The following METTL13 variants were observed in gnomAD, a reference collection of about 807,000 sequenced individuals.
METTL13 encodes the protein eEF1A lysine and N-terminal methyltransferase.
Under a neutral mutation model 67.4 loss-of-function variants are expected in METTL13, and 52 were observed. The ratio of observed to expected loss-of-function variants is 0.77; its 90% CI spans 0.62 to 0.97. METTL13 has a LOEUF of 0.97. Among genes scored for constraint, METTL13 ranks in the 50% least tolerant of loss-of-function variants. The pLI, the probability that METTL13 is intolerant of heterozygous loss-of-function variation, is 0.00. For missense variants in METTL13, 825 were observed against 889.6 expected, an observed-to-expected ratio of 0.93 and a Z score of 0.92; for synonymous variants, 354 against 353.6, an observed-to-expected ratio of 1.00 and a Z score of -0.01.
Position 171,797,248 on chromosome 1 carries a change from G to C in METTL13, c.*492G>C, listed in dbSNP as rs2029865333. 6.5e-6 allele frequency: 1 copy of C among 154,048 alleles called. No individual in the cohort carries two copies. The highest frequency in any genetic ancestry group is 6.4e-5 in the Admixed American group (1 of 15,568). 9.5% of individuals were successfully genotyped at this position (154,048 alleles called of 1,614,324 possible). A position where few individuals can be genotyped will look rare whatever the true frequency, so the allele number is the denominator to read the frequency against. On this transcript the variant is annotated 3_prime_UTR_variant, in exon 8 of 8. Transcript: ENST00000361735. Reference sequence around the variant, plus strand: ...ACAGATTTGAGAGAGCATTTACTCTGTCTCCCTGTGGATGAAACTGCTGCT... The same window carrying C: ...ACAGATTTGAGAGAGCATTTACTCTCTCTCCCTGTGGATGAAACTGCTGCT...
chr1:171,788,041 C>G, intron 4 of METTL13, 111 bp downstream of exon 4: 1 of 998,804 alleles, frequency 1.0e-6, no homozygotes, highest in Non-Finnish European at 1.5e-6. Context: ...AGGTTCTTAA[C>G]CATCTGGACT....
chr1:171,788,167 C>G (rs1371958472), intron 4 of METTL13, among the ~76,000 whole-genome samples: 1 of 152,174 alleles, frequency 6.6e-6, no homozygotes, highest in East Asian at 1.9e-4. Flanking sequence ...ACATTAATGT[C>G]TTCGGTTTAA....
rs778466884 is a variant in METTL13 at position 171,790,549 on chromosome 1, G to T, written c.1407G>T (p.Leu469=). The T allele has an allele frequency of 1.1e-5, 18 of 1,612,566 alleles. No homozygotes were observed. Among genetic ancestry groups the T allele is most frequent in the Non-Finnish European group, 1.5e-5 (18 of 1,179,624 alleles). Residue 469 remains leucine (L), a synonymous_variant, in exon 5 of 8, where the codon CTG becomes CTT. Transcript: ENST00000361735. The stretch of plus-strand genomic sequence containing the variant: ...GGCAGTCCATTGATAAGAGTTACCT[G>T]TGTTGTGAACACCACAAAGCCATGA... ...APGQSIDKSY[L]CCEHHKAMIA... is the part of the protein sequence containing the mutation.
chr1:171,795,077 T>C (rs1278464800), intron 7 of METTL13, among the ~76,000 whole-genome samples: 1 of 152,150 alleles, frequency 6.6e-6, no homozygotes, highest in Non-Finnish European at 1.5e-5. Flanking sequence ...CCTCCTACCT[T>C]GGCCTCCCAA....
intron 6 of METTL13, among the ~76,000 whole-genome samples, chr1:171,792,871 T>C (rs1657251699): frequency 6.6e-6 from 1 of 152,168 alleles, no homozygotes; most frequent in Non-Finnish European, 1.5e-5. Context: ...TTGATGCAGA[T>C]GGTACTCTGT....
chr1:171,788,341 A>G (rs939649483), intron 4 of METTL13, among the ~76,000 whole-genome samples: 7 of 152,170 alleles, frequency 4.6e-5, no homozygotes, highest in Non-Finnish European at 8.8e-5. Context: ...GAGGCCTTCT[A>G]GTATACCACT....
At chr1:171,796,442 C>G in intron 7 of METTL13, 40 bp from the exon 8 acceptor site, 1 of 1,607,670 alleles carries the variant, frequency 6.2e-7, no homozygotes, top group Non-Finnish European at 8.5e-7. Context: ...CATATGTCTC[C>G]TGATGTGAGG....
chr1:171,790,829 A>C (rs896462175), intron 5 of METTL13: 1 of 436,050 alleles, frequency 2.3e-6, no homozygotes, highest in Admixed American at 4.4e-5. Flanking sequence ...AATATGTTAG[A>C]GTCTAAGTGG....
At position 171,796,533 on chromosome 1, in the gene METTL13, T is replaced by A; in HGVS notation, c.1877T>A (p.Val626Glu). ...CGAGACTTGGGGCTAAAAGACTCAG[T>A]GCTGGCTGGGCTCAAGGCAGTGTTC... ...VCRDLGLKDS[V>E]LAGLKAVFPL... The change falls in exon 8 of 8, where the codon GTG becomes GAG. Residue 626 changes from valine to glutamate, a missense_variant. By Grantham distance (121) the Val-to-Glu change is moderately radical. Coordinates refer to ENST00000361735, the MANE Select transcript of METTL13 (RefSeq NM_015935.5). The A allele has an allele frequency of 1.9e-6, 3 of 1,614,230 alleles. No homozygotes were observed. Among genetic ancestry groups the A allele is most frequent in the Non-Finnish European group, 2.5e-6 (3 of 1,180,036 alleles).
chr1:171,783,930 T>A lies in METTL13; in HGVS notation c.344T>A (p.Phe115Tyr). The A allele has an allele frequency of 6.2e-7, 1 of 1,614,224 alleles. No individual in the cohort carries two copies. The highest frequency in any genetic ancestry group is 8.5e-7 in the Non-Finnish European group (1 of 1,180,040). ...MTQMEFPDAS[F>Y]QVVLDKGTLD... Reference sequence around the variant, plus strand: ...CAGATGGAGTTTCCTGATGCCTCGTTCCAGGTGGTGTTGGACAAGGGCACC... The same window carrying A: ...CAGATGGAGTTTCCTGATGCCTCGTACCAGGTGGTGTTGGACAAGGGCACC... Residue 115 changes from phenylalanine to tyrosine, a missense_variant, in exon 2 of 8, where the codon TTC (phenylalanine) becomes TAC (tyrosine). Physicochemically the swap from Phe to Tyr is conservative, Grantham distance 22. Transcript: ENST00000361735.
chr1:171,786,383 G>A (rs1343030655), intron 3 of METTL13, among the ~76,000 whole-genome samples: 1 of 152,212 alleles, frequency 6.6e-6, no homozygotes, highest in African/African-American at 2.4e-5. Flanking sequence ...TCTGACTGTG[G>A]ATTTCTCCTT....
Position 171,797,634 on chromosome 1 carries a change from C to T in METTL13, c.*878C>T, listed in dbSNP as rs2029870660. The T allele has an allele frequency of 6.6e-6, 1 of 152,266 alleles. No homozygotes were observed. The highest frequency in any genetic ancestry group is 2.4e-5 in the African/African-American group (1 of 41,482). The allele number at this position is 152,266 out of a possible 1,614,324, so 9.4% of individuals were successfully genotyped here. A position where few individuals can be genotyped will look rare whatever the true frequency, so the allele number is the denominator to read the frequency against. On this transcript the variant is annotated 3_prime_UTR_variant, in exon 8 of 8. Coordinates refer to ENST00000361735, the MANE Select transcript of METTL13 (RefSeq NM_015935.5). ...GAGATAAAGGATACTTAAGCCCAAACTATATCTAAACCCAAATCTCACTTG... is the reference window on the plus strand; with the variant it reads ...GAGATAAAGGATACTTAAGCCCAAATTATATCTAAACCCAAATCTCACTTG...
intron 1 of METTL13, 92 bp from the exon 2 acceptor site, chr1:171,783,648 C>T (rs1332087627): frequency 9.6e-6 from 14 of 1,450,884 alleles, no homozygotes; most frequent in African/African-American, 7.1e-5. Flanking sequence ...GAAAATGTGA[C>T]TCAGCCAAGG....
In METTL13 at chr1:171,784,114, G is replaced by C. The variant is rs920808567; in HGVS notation, c.528G>C (p.Arg176=). The C allele has an allele frequency of 1.2e-6, 2 of 1,614,126 alleles. No individual in the cohort carries two copies. Among genetic ancestry groups the C allele is most frequent in the African/African-American group, 2.7e-5 (2 of 74,938 alleles). ...AGAAAGCAGTGGGCCACTTCTCCCG[G>C]GAGGGGTGGATGGTGAGGGTGCACC... ...ILKKAVGHFS[R]EGWMVRVHQV... The change falls in exon 2 of 8, where the codon CGG becomes CGC. Residue 176 remains arginine (R), a synonymous_variant. Transcript: ENST00000361735.
chr1:171,791,217 C>CGG (rs1433194179), intron 5 of METTL13, among the ~76,000 whole-genome samples: 1 of 152,210 alleles, frequency 6.6e-6, no homozygotes. Context: ...CTGTCTCCTT[C>CGG]GGGTGACTTT....
In METTL13 at chr1:171,784,258, G is replaced by T; in HGVS notation, c.672G>T (p.Glu224Asp). Residue 224 changes from glutamate (E) to aspartate (D), a missense_variant, in exon 2 of 8, where the codon GAG becomes GAT. Transcript: ENST00000361735. ...PVPGSALQIF[E>D]LCAQEQRKPV... Reference sequence around the variant, plus strand: ...CTGGCTCTGCCCTTCAGATCTTTGAGCTGTGTGCTCAGGAGCAGCGCAAGC... The same window carrying T: ...CTGGCTCTGCCCTTCAGATCTTTGATCTGTGTGCTCAGGAGCAGCGCAAGC... 6.2e-7 allele frequency: 1 copy of T among 1,614,006 alleles called. No individual in the cohort carries two copies. Among genetic ancestry groups the T allele is most frequent in the Non-Finnish European group, 8.5e-7 (1 of 1,180,032 alleles).
At chr1:171,788,414 A>G (rs538975710) in intron 4 of METTL13, among the ~76,000 whole-genome samples, 1 of 152,240 alleles carries the variant, frequency 6.6e-6, no homozygotes, top group African/African-American at 2.4e-5. Context: ...TGTGGTCGCG[A>G]CTAGCCATAT....
chr1:171,782,252 T>C, intron 1 of METTL13, 132 bp downstream of exon 1: 1 of 783,674 alleles, frequency 1.3e-6, no homozygotes, highest in Non-Finnish European at 2.1e-6. Context: ...ATTTCCTGCA[T>C]TGTTCCTGCT....
At chr1:171,790,663 C>T (rs1657176386) in intron 5 of METTL13, 47 bp downstream of exon 5, 5 of 1,411,408 alleles carry the variant, frequency 3.5e-6, no homozygotes, top group Middle Eastern at 1.9e-4. Flanking sequence ...ATAAAGATTA[C>T]AGACCTAAAC....
Sources: gnomAD v4.1 joint callset for allele counts (sites outside exome capture counted in the v4.1 genomes callset) on GRCh38, gnomAD v4.1.1 for gene constraint, MANE v1.5 for transcripts, NCBI Gene and HGNC (gene_info 2026-07-23, HGNC 2026-07-21) for gene names.